The following RPS6KA1 variants were observed in gnomAD, a reference collection of about 807,000 sequenced individuals.
The protein encoded by RPS6KA1 is ribosomal protein S6 kinase A1.
Under a neutral mutation model 91.3 loss-of-function variants are expected in RPS6KA1, and 48 were observed. That is an observed-to-expected ratio of 0.53 (90% CI 0.42 to 0.67). The LOEUF (loss-of-function observed/expected upper bound fraction) is 0.67, where lower values mean the gene tolerates loss of function less well. Among genes scored for constraint, RPS6KA1 ranks in the 30% least tolerant of loss-of-function variants. The probability of loss-of-function intolerance (pLI) is 0.00; values close to 1 mark genes in which losing one functional copy is unlikely to be tolerated. For synonymous variants in RPS6KA1, 359 were observed against 384.7 expected, an observed-to-expected ratio of 0.93 and a Z score of 0.78; for missense variants, 719 against 960.5, an observed-to-expected ratio of 0.75 and a Z score of 3.32.
intron 2 of RPS6KA1, among the ~76,000 whole-genome samples, chr1:26,537,253 A>G (rs375278875): frequency 9.2e-5 from 14 of 152,214 alleles, no homozygotes; most frequent in African/African-American, 3.4e-4. Flanking sequence ...CAGTTTATTT[A>G]CTCATGGAAT....
In RPS6KA1 at chr1:26,558,825, C is replaced by A. The variant is rs374505864; in HGVS notation, c.1103C>A (p.Pro368His). The A allele has an allele frequency of 1.9e-6, 3 of 1,611,638 alleles. No homozygotes were observed. Among genetic ancestry groups the A allele is most frequent in the Non-Finnish European group, 1.7e-6 (2 of 1,177,978 alleles). Residue 368 changes from proline (P) to histidine (H), a missense_variant, in exon 14 of 22, where the codon CCC becomes CAC. Physicochemically the swap from Pro to His is moderately conservative, Grantham distance 77. Transcript: ENST00000374168. This position sits in a 1 kb window ranked among gnomAD's most constrained non-coding sequence, Gnocchi z 4.0. ...CGTACAGATTCCCCAGGCATCCCCCCCAGCGCTGGGGCCCATCAGCTGTTC... is the reference window on the plus strand; with the variant it reads ...CGTACAGATTCCCCAGGCATCCCCCACAGCGCTGGGGCCCATCAGCTGTTC... ...RTPKDSPGIP[P>H]SAGAHQLFRG...
At position 26,561,525 on chromosome 1, in the gene RPS6KA1, C is replaced by T. The variant is rs112552710; in HGVS notation, c.1452C>T (p.His484=). Reference sequence around the variant, plus strand: ...GGCAGGTGTATGATGATGGCAAACACGTGTACCTGGTGACAGAGCTGATGC... The same window carrying T: ...GGCAGGTGTATGATGATGGCAAACATGTGTACCTGGTGACAGAGCTGATGC... ...TLKDVYDDGK[H]VYLVTELMRG... is the part of the protein sequence containing the mutation. The change falls in exon 17 of 22, where the codon CAC becomes CAT. Residue 484 remains histidine (H), a synonymous_variant. Coordinates refer to ENST00000374168, the MANE Select transcript of RPS6KA1 (RefSeq NM_002953.4). The surrounding 1 kb of genome is among the most constrained non-coding windows in gnomAD (Gnocchi z 5.7). 4.9e-4 allele frequency: 793 copies of T among 1,614,088 alleles called. 4 individuals carry two copies. In the Middle Eastern group the frequency reaches 5.3e-3, roughly 11 times the overall value.
intron 2 of RPS6KA1, among the ~76,000 whole-genome samples, chr1:26,542,118 G>T (rs1362390577): frequency 1.3e-5 from 2 of 152,214 alleles, no homozygotes; most frequent in East Asian, 3.8e-4. Context: ...GGCTCGTGTG[G>T]ACTAGGCCCC....
intron 1 of RPS6KA1, among the ~76,000 whole-genome samples, 153 bp downstream of exon 1, chr1:26,530,136 CT>C (rs1368718755): frequency 6.6e-6 from 1 of 152,138 alleles, no homozygotes; most frequent in African/African-American, 2.4e-5. Context: ...CTCCACCCCC[CT>C]ATGCCCGGGT....
rs1303068698 is a variant in RPS6KA1, at chr1:26,536,827, C to T, written c.64-98C>T. ...TGCCCTACCACCATGGCCTCCATGG[C>T]TATTGGGAGCACCTAAGGGTGGGGG... On this transcript the variant is annotated intron_variant, in intron 1 of 21. Coordinates refer to ENST00000374168, the MANE Select transcript of RPS6KA1 (RefSeq NM_002953.4). The T allele has an allele frequency of 2.2e-6, 3 of 1,375,784 alleles. No individual in the cohort carries two copies. The African/African-American group carries it at 4.3e-5, about 20-fold the overall frequency. 85.2% of individuals were successfully genotyped at this position (1,375,784 alleles called of 1,614,324 possible).
Position 26,529,936 on chromosome 1 carries a change from C to T in RPS6KA1, c.16C>T (p.Leu6Phe). 1 of 1,433,754 alleles carries T rather than the reference C, an allele frequency of 7.0e-7. No homozygotes were observed. The highest frequency in any genetic ancestry group is 9.1e-7 in the Non-Finnish European group (1 of 1,094,452). The allele number at this position is 1,433,754 out of a possible 1,614,324, so 88.8% of individuals were successfully genotyped here. A position where few individuals can be genotyped will look rare whatever the true frequency, so the allele number is the denominator to read the frequency against. MPLAQ[L>F]KEPWPLMELV... ...CGGCGGCGAGATGCCGCTCGCCCAG[C>T]TCAAGGAGCCCTGGCCGCTCATGGA... The change falls in exon 1 of 22, where the codon CTC becomes TTC. Residue 6 changes from leucine (L) to phenylalanine (F), a missense_variant. Physicochemically the swap from Leu to Phe is conservative, Grantham distance 22 (BLOSUM62 0). Around this residue, in one of 5 missense-constraint regions of RPS6KA1, gnomAD observed 57 missense variants for 55.8 expected, o/e 1.02. Transcript: ENST00000374168. The surrounding 1 kb of genome is among the most constrained non-coding windows in gnomAD (Gnocchi z 4.2).
Position 26,574,442 on chromosome 1 carries a change from G to GA in RPS6KA1, c.*248dup. The GA allele has an allele frequency of 1.4e-6, 1 of 709,874 alleles. No homozygotes were observed. Among genetic ancestry groups the GA allele is most frequent in the Non-Finnish European group, 2.7e-6 (1 of 376,274 alleles). 44.0% of individuals were successfully genotyped at this position (709,874 alleles called of 1,614,324 possible). On this transcript the variant is annotated 3_prime_UTR_variant, in exon 22 of 22. Coordinates refer to ENST00000374168, the MANE Select transcript of RPS6KA1 (RefSeq NM_002953.4). This position sits in a 1 kb window ranked among gnomAD's most constrained non-coding sequence, Gnocchi z 4.3. The stretch of plus-strand genomic sequence containing the variant: ...ATTCACTGTATAAACTTTTTTTTAT[G>GA]AAAAAAATGGCATCAACCACCATGG...
In RPS6KA1 at chr1:26,529,980, G is replaced by A. The variant is rs764508051; in HGVS notation, c.60G>A (p.Pro20=). The A allele has an allele frequency of 9.9e-6, 14 of 1,407,398 alleles. No homozygotes were observed. Among genetic ancestry groups the A allele is most frequent in the African/African-American group, 1.5e-5 (1 of 66,490 alleles). 87.2% of individuals were successfully genotyped at this position (1,407,398 alleles called of 1,614,324 possible). ...TCATGGAGCTAGTGCCTCTGGACCC[G>A]GAGGTGAGTGAGCGGGGCGGGGGAC... ...WPLMELVPLD[P]ENGQTSGEEA... is the part of the protein sequence containing the mutation. Residue 20 remains proline (P), a synonymous_variant, in exon 1 of 22, where the codon CCG becomes CCA. Coordinates refer to ENST00000374168, the MANE Select transcript of RPS6KA1 (RefSeq NM_002953.4). The surrounding 1 kb of genome is among the most constrained non-coding windows in gnomAD (Gnocchi z 4.2).
At chr1:26,538,129 G>A (rs1181081343) in intron 2 of RPS6KA1, among the ~76,000 whole-genome samples, 1 of 152,170 alleles carries the variant, frequency 6.6e-6, no homozygotes, top group African/African-American at 2.4e-5. Context: ...AAGTATTCTC[G>A]CACCACTTCT....
intron 1 of RPS6KA1, among the ~76,000 whole-genome samples, chr1:26,534,353 C>G (rs11591216): frequency 2.0e-5 from 3 of 151,992 alleles, no homozygotes; most frequent in Non-Finnish European, 2.9e-5. Context: ...GGCCCCTTCC[C>G]GAGTTAACCT....
intron 2 of RPS6KA1, chr1:26,546,054 CT>C: frequency 6.2e-7 from 1 of 1,609,976 alleles, no homozygotes; most frequent in Non-Finnish European, 8.5e-7. Flanking sequence ...GCCCGAATGT[CT>C]GGTCCTGACC....
Position 26,558,755 on chromosome 1 carries a change from G to T in RPS6KA1, c.1085-52G>T, listed in dbSNP as rs989941178. The T allele has an allele frequency of 5.8e-5, 91 of 1,563,450 alleles. 1 individual carries two copies. The Admixed American group carries it at 1.6e-3, about 27-fold the overall frequency. On this transcript the variant is annotated intron_variant, in intron 13 of 21. Coordinates refer to ENST00000374168, the MANE Select transcript of RPS6KA1 (RefSeq NM_002953.4). The surrounding 1 kb of genome is among the most constrained non-coding windows in gnomAD (Gnocchi z 4.0). ...GCTCCCCCTTTGCTGGGCTGCCTCA[G>T]GGTCGAGGGGACCTCCTCAGGTACC...
rs1287974590 is a variant in RPS6KA1, at chr1:26,536,936, C to T, written c.75C>T (p.Thr25=). The change falls in exon 2 of 22, where the codon ACC becomes ACT. Residue 25 remains threonine, a synonymous_variant. Transcript: ENST00000374168. ...TTTCTCTTTTCCAGAATGGACAGACCTCAGGGGAAGAAGCTGGACTTCAGC... is the reference window on the plus strand; with the variant it reads ...TTTCTCTTTTCCAGAATGGACAGACTTCAGGGGAAGAAGCTGGACTTCAGC... The part of the protein sequence containing the change: ...LVPLDPENGQ[T]SGEEAGLQPS... 6.2e-7 allele frequency: 1 copy of T among 1,614,126 alleles called. No homozygotes were observed. The highest frequency in any genetic ancestry group is 1.3e-5 in the African/African-American group (1 of 75,048).
At position 26,540,147 on chromosome 1, in the gene RPS6KA1, A is replaced by G. The variant is rs986597587; in HGVS notation, c.108+3178A>G. ...GCCTGCCCAGGGGAGACCCCACAGC[A>G]GTAAGACTAAGTAAACCTGGGAGAA... On this transcript the variant is annotated intron_variant, in intron 2 of 21. Transcript: ENST00000374168. The surrounding 1 kb of genome is among the most constrained non-coding windows in gnomAD (Gnocchi z 4.2). Among the ~76,000 whole-genome samples, 2 of 152,152 alleles carry G rather than the reference A, an allele frequency of 1.3e-5. No homozygotes were observed. Among genetic ancestry groups the G allele is most frequent in the Non-Finnish European group, 2.9e-5 (2 of 68,028 alleles).
At chr1:26,570,562 G>C (rs1014768002) in intron 17 of RPS6KA1, among the ~76,000 whole-genome samples, 1 of 152,118 alleles carries the variant, frequency 6.6e-6, no homozygotes, top group African/African-American at 2.4e-5. Flanking sequence ...GCCCCCTCAA[G>C]TTACAGATGA....
chr1:26,543,069 G>A lies in RPS6KA1; in HGVS notation c.109-3798G>A, dbSNP rs1243087815. ...CAGAGGGGGAAGTGAGAAGGAGGGG[G>A]GCCAGAGACCCTGCCTTCTGGGCCA... On this transcript the variant is annotated intron_variant, in intron 2 of 21. Transcript: ENST00000374168. 1.0e-5 allele frequency: 14 copies of A among 1,363,894 alleles called. No individual in the cohort carries two copies. The Admixed American group carries it at 1.8e-4, about 18-fold the overall frequency. The allele number at this position is 1,363,894 out of a possible 1,614,324, so 84.5% of individuals were successfully genotyped here.
intron 12 of RPS6KA1, 121 bp from the exon 13 acceptor site, chr1:26,556,877 A>C (rs1339589474): frequency 6.9e-6 from 8 of 1,159,682 alleles, no homozygotes; most frequent in Non-Finnish European, 1.0e-5. Context: ...CCTGAGGGCA[A>C]GCAATTCCGA....
intron 4 of RPS6KA1, among the ~76,000 whole-genome samples, chr1:26,548,845 G>A (rs1388238071): frequency 6.6e-6 from 1 of 151,232 alleles, no homozygotes; most frequent in African/African-American, 2.4e-5. Flanking sequence ...GACCAAAATA[G>A]TTAACTCCGG....
In RPS6KA1 at chr1:26,554,777, C is replaced by A. The variant is rs756430167; in HGVS notation, c.756+39C>A. ...CAGGGGTAAAGGATCCAGCCCAAGC[C>A]TCTGGCCTCAGTCTCCCTATCTGTA... On this transcript the variant is annotated intron_variant, in intron 9 of 21. Coordinates refer to ENST00000374168, the MANE Select transcript of RPS6KA1 (RefSeq NM_002953.4). The surrounding 1 kb of genome is among the most constrained non-coding windows in gnomAD (Gnocchi z 4.6). 4 of 1,567,346 alleles carry A rather than the reference C, an allele frequency of 2.6e-6. No individual in the cohort carries two copies. The highest frequency in any genetic ancestry group is 1.8e-5 in the Admixed American group (1 of 55,210).
Sources: allele counts gnomAD v4.1 joint callset (sites outside exome capture counted in the v4.1 genomes callset), GRCh38; gene constraint gnomAD v4.1.1; regional missense constraint gnomAD v4.1.1; non-coding constraint Gnocchi (gnomAD v3.1); transcripts MANE v1.5; gene names NCBI Gene and HGNC (gene_info 2026-07-23, HGNC 2026-07-21).